PTPRM: variants seen among roughly 807,000 people sequenced by gnomAD.
PTPRM encodes receptor-type tyrosine-protein phosphatase mu.
In PTPRM, 47 loss-of-function variants were observed where a neutral mutation model predicts 186.7. The observed-to-expected ratio is 0.25, with a 90% CI of 0.20 to 0.32. PTPRM has a LOEUF of 0.32. PTPRM is among the 10% of genes least tolerant of loss of function. The pLI is 1.00. For synonymous variants in PTPRM, 668 were observed against 674.9 expected (o/e 0.99, Z 0.16); for missense variants, 1,494 against 1,865.0 (o/e 0.80, Z 3.66).
Position 7,926,550 on chromosome 18 carries a change from T to C in PTPRM, c.548-18T>C, listed in dbSNP as rs1364718504. 5 of 1,572,304 alleles carry C rather than the reference T, an allele frequency of 3.2e-6. No homozygotes were observed. The highest frequency in any genetic ancestry group is 4.3e-6 in the Non-Finnish European group (5 of 1,151,466). On this transcript the variant is annotated intron_variant, in intron 4 of 32. Transcript: ENST00000580170. ...AAATCTCCACTTTTAATATCTTTCA[T>C]TCTTTTTCTTTATGTAGCCAGGACT... is the stretch of plus-strand genomic sequence containing the variant.
At chr18:8,133,165 G>C (rs2092555456) in intron 13 of PTPRM, among the ~76,000 whole-genome samples, 1 of 152,074 alleles carries the variant, frequency 6.6e-6, no homozygotes, top group Admixed American at 6.6e-5. Flanking sequence ...CTGACCTCAT[G>C]ACTTAATCAT....
At chr18:7,796,751 A>G (rs567568611) in intron 2 of PTPRM, among the ~76,000 whole-genome samples, 34 of 152,274 alleles carry the variant, frequency 2.2e-4, no homozygotes, top group African/African-American at 7.5e-4. Context: ...CCATAACACA[A>G]TGCTTTACAA....
At chr18:7,621,465 T>C (rs142004769) in intron 1 of PTPRM, among the ~76,000 whole-genome samples, 34 of 152,106 alleles carry the variant, frequency 2.2e-4, no homozygotes, top group African/African-American at 7.5e-4. Context: ...CACATTGACA[T>C]GCCGTTATCA....
At chr18:7,901,665 G>C (rs117523267) in intron 3 of PTPRM, among the ~76,000 whole-genome samples, 1,973 of 152,232 alleles carry the variant, frequency 0.013, 20 homozygotes, top group South Asian at 0.033. Flanking sequence ...TGCCTGGCCT[G>C]AGCTGCATGT....
intron 2 of PTPRM, among the ~76,000 whole-genome samples, chr18:7,878,744 TCA>T (rs2048359171): frequency 6.6e-6 from 1 of 152,144 alleles, no homozygotes; most frequent in East Asian, 1.9e-4. Flanking sequence ...GGCTTTTTTT[TCA>T]CATGTGGAAA....
At chr18:7,773,063 G>A (rs922663308) in intron 1 of PTPRM, among the ~76,000 whole-genome samples, 1 of 151,978 alleles carries the variant, frequency 6.6e-6, no homozygotes, top group African/African-American at 2.4e-5. Context: ...TGCTATTGAT[G>A]CTGAAACAGC....
Position 7,738,972 on chromosome 18 carries a change from T to G in PTPRM, c.74-35177T>G, listed in dbSNP as rs962145301. On this transcript the variant is annotated intron_variant, in intron 1 of 32. Coordinates refer to ENST00000580170, the MANE Select transcript of PTPRM (RefSeq NM_001105244.2). ...GACAGTGACCATGATTTTTTTTTGG[T>G]GCAAGTTTGGCTTTGGGAAGTGCTT... Among the ~76,000 whole-genome samples the G allele has an allele frequency of 9.9e-5, 15 of 152,086 alleles. 1 individual carries two copies. The highest frequency in any genetic ancestry group is 1.9e-4 in the African/African-American group (8 of 41,416).
At chr18:8,386,956 AG>A in intron 30 of PTPRM, 115 bp from the exon 31 acceptor site, 1 of 1,090,740 alleles carries the variant, frequency 9.2e-7, no homozygotes, top group Non-Finnish European at 1.3e-6. Flanking sequence ...GGTAATTTGT[AG>A]GCAGGACTCG....
At chr18:8,106,203 T>G (rs1363125528) in intron 11 of PTPRM, among the ~76,000 whole-genome samples, 1 of 152,192 alleles carries the variant, frequency 6.6e-6, no homozygotes, top group Non-Finnish European at 1.5e-5. Flanking sequence ...TGCTGGGACC[T>G]GGGCAGTATG....
At position 7,980,190 on chromosome 18, in the gene PTPRM, T is replaced by A. The variant is rs1353779767; in HGVS notation, c.1132+24776T>A. On this transcript the variant is annotated intron_variant, in intron 7 of 32. Transcript: ENST00000580170. The stretch of plus-strand genomic sequence containing the variant: ...GCCAGAAACCTGAATTGCCCTTGAG[T>A]CTTTCTACTACCTCACCTCTGCACC... Among the ~76,000 whole-genome samples, 3 of 151,982 alleles carry A rather than the reference T, an allele frequency of 2.0e-5. No individual in the cohort carries two copies. In the East Asian group the frequency reaches 5.8e-4, roughly 29 times the overall value.
intron 19 of PTPRM, among the ~76,000 whole-genome samples, chr18:8,254,314 G>A (rs896796220): frequency 6.6e-6 from 1 of 152,208 alleles, no homozygotes; most frequent in African/African-American, 2.4e-5. Context: ...CTGTCAGAAG[G>A]TCATTCAAGA....
chr18:7,656,472 C>G (rs1484734629), intron 1 of PTPRM, among the ~76,000 whole-genome samples: 1 of 152,054 alleles, frequency 6.6e-6, no homozygotes, highest in African/African-American at 2.4e-5. Context: ...GATGGTGTTT[C>G]TGTTTTGCGG....
intron 7 of PTPRM, among the ~76,000 whole-genome samples, chr18:8,065,569 C>T (rs550642501): frequency 4.5e-4 from 68 of 152,204 alleles, no homozygotes; most frequent in African/African-American, 1.6e-3. Flanking sequence ...TTCATGCCAA[C>T]GGGGCCTGTC....
At chr18:8,286,504 T>G (rs2094958820) in intron 19 of PTPRM, among the ~76,000 whole-genome samples, 2 of 152,248 alleles carry the variant, frequency 1.3e-5, no homozygotes, top group South Asian at 4.1e-4. Flanking sequence ...TATTTACTCT[T>G]GTAGACTAAG....
intron 7 of PTPRM, among the ~76,000 whole-genome samples, chr18:7,970,705 C>T (rs2054466253): frequency 3.5e-5 from 2 of 56,762 alleles, no homozygotes; most frequent in African/African-American, 1.8e-4. Context: ...AACTCCCATT[C>T]ACAATTGCTT....
At chr18:8,170,260 A>G (rs1243505820) in intron 14 of PTPRM, among the ~76,000 whole-genome samples, 1 of 152,190 alleles carries the variant, frequency 6.6e-6, no homozygotes, top group Admixed American at 6.6e-5. Flanking sequence ...CTTTTAAGAC[A>G]GAAGTCTTAA....
intron 2 of PTPRM, chr18:7,815,073 A>G (rs2044737727): frequency 6.6e-6 from 1 of 152,196 alleles, no homozygotes; most frequent in African/African-American, 2.4e-5. Flanking sequence ...GATAGTATCA[A>G]GGAACTGAAA....
intron 23 of PTPRM, among the ~76,000 whole-genome samples, chr18:8,347,815 A>T (rs547604056): frequency 7.9e-5 from 12 of 152,176 alleles, no homozygotes; most frequent in African/African-American, 2.6e-4. Context: ...AAAAAAAAAA[A>T]TTTCTTCCAA....
intron 1 of PTPRM, among the ~76,000 whole-genome samples, chr18:7,739,414 T>C (rs1225524563): frequency 1.3e-5 from 2 of 152,238 alleles, no homozygotes; most frequent in African/African-American, 4.8e-5. Context: ...AAACAGCAAG[T>C]AGTAAGTCAT....
Sources: allele counts gnomAD v4.1 joint callset (sites outside exome capture counted in the v4.1 genomes callset), GRCh38; gene constraint gnomAD v4.1.1; transcripts MANE v1.5; gene names NCBI Gene and HGNC (gene_info 2026-07-23, HGNC 2026-07-21).